The following PLXDC2 variants were observed in gnomAD, a reference collection of about 807,000 sequenced individuals.
The protein encoded by PLXDC2 is plexin domain containing 2.
A neutral mutation model predicts 68.9 loss-of-function variants in PLXDC2; 40 were observed. The ratio of observed to expected loss-of-function variants is 0.58; its 90% CI spans 0.45 to 0.76. PLXDC2 has a LOEUF of 0.76. Among genes scored for constraint, PLXDC2 ranks in the 30% least tolerant of loss-of-function variants. The probability of loss-of-function intolerance (pLI) is 0.00; values close to 1 mark genes in which losing one functional copy is unlikely to be tolerated. For missense variants in PLXDC2, 644 were observed against 661.9 expected, an observed-to-expected ratio of 0.97 and a Z score of 0.30; for synonymous variants, 243 against 234.2, an observed-to-expected ratio of 1.04 and a Z score of -0.34.
intron 1 of PLXDC2, among the ~76,000 whole-genome samples, chr10:19,897,196 T>A (rs963872730): frequency 6.6e-6 from 1 of 152,052 alleles, no homozygotes; most frequent in Non-Finnish European, 1.5e-5. Flanking sequence ...CTTTTCTCCA[T>A]GTCTCCATGT....
chr10:20,072,475 A>AACAAAGAAAG (rs1836340444), intron 4 of PLXDC2, among the ~76,000 whole-genome samples: 1 of 107,246 alleles, frequency 9.3e-6, no homozygotes, highest in African/African-American at 3.4e-5. Context: ...AGAAAGAAAG[A>AACAAAGAAAG]AGGAACAAAG....
intron 4 of PLXDC2, among the ~76,000 whole-genome samples, chr10:20,135,918 G>A (rs1223914077): frequency 3.3e-5 from 5 of 152,084 alleles, no homozygotes; most frequent in African/African-American, 1.2e-4. Context: ...TATAAATATG[G>A]TAACTCTTTG....
chr10:20,163,567 C>T (rs1407284457), intron 6 of PLXDC2, among the ~76,000 whole-genome samples: 1 of 152,080 alleles, frequency 6.6e-6, no homozygotes, highest in East Asian at 1.9e-4. Flanking sequence ...TCTGCTTATT[C>T]TGCCTAAAGA....
chr10:20,252,790 TA>T (rs1271139897), intron 13 of PLXDC2, among the ~76,000 whole-genome samples: 1 of 152,198 alleles, frequency 6.6e-6, no homozygotes, highest in Non-Finnish European at 1.5e-5. Flanking sequence ...CATTCTAAGT[TA>T]GGTGTGGATT....
intron 3 of PLXDC2, among the ~76,000 whole-genome samples, chr10:20,052,436 G>A (rs1463771911): frequency 1.4e-5 from 2 of 147,072 alleles, no homozygotes; most frequent in African/African-American, 5.4e-5. Context: ...TTGTGACCAG[G>A]GGGCTGAGTA....
At chr10:20,015,586 T>G (rs1012370455) in intron 2 of PLXDC2, among the ~76,000 whole-genome samples, 2 of 152,098 alleles carry the variant, frequency 1.3e-5, no homozygotes, top group Non-Finnish European at 2.9e-5. Flanking sequence ...TGGCCAAGAC[T>G]CCATTTGCTC....
At chr10:20,070,393 CAG>C (rs1400635493) in intron 4 of PLXDC2, among the ~76,000 whole-genome samples, 2 of 152,126 alleles carry the variant, frequency 1.3e-5, no homozygotes, top group African/African-American at 4.8e-5. Context: ...GTACCAAATA[CAG>C]AGTCAAGAAA....
intron 9 of PLXDC2, 128 bp from the exon 10 acceptor site, chr10:20,211,541 A>G (rs1835069414): frequency 1.4e-6 from 1 of 728,616 alleles, no homozygotes; most frequent in African/African-American, 1.8e-5. Context: ...GTTCTATAGA[A>G]GAGTTAATGT....
intron 1 of PLXDC2, among the ~76,000 whole-genome samples, chr10:19,947,629 A>G (rs1007089244): frequency 2.0e-5 from 3 of 151,914 alleles, no homozygotes; most frequent in African/African-American, 7.3e-5. Context: ...CATCTTCCCT[A>G]AAAATTCTGT....
At chr10:19,826,881 A>G (rs1472358396) in intron 1 of PLXDC2, among the ~76,000 whole-genome samples, 1 of 152,220 alleles carries the variant, frequency 6.6e-6, no homozygotes, top group East Asian at 1.9e-4. Flanking sequence ...ACTGATGGGT[A>G]TGTTGTGAAA....
rs1835177063 is a variant in PLXDC2 at position 20,219,059 on chromosome 10, T to C, written c.1274-5T>C. On this transcript the variant is annotated splice_region_variant and splice_polypyrimidine_tract_variant and intron_variant, in intron 11 of 13. Coordinates refer to ENST00000377252, the MANE Select transcript of PLXDC2 (RefSeq NM_032812.9). ...TGTTATAGTAACTTTGAATTTCTCTTCCAGATGATACCAAGATAGCACTAC... is the reference window on the plus strand; with the variant it reads ...TGTTATAGTAACTTTGAATTTCTCTCCCAGATGATACCAAGATAGCACTAC... 1 of 1,608,042 alleles carries C rather than the reference T, an allele frequency of 6.2e-7. No homozygotes were observed.
chr10:20,196,481 C>A (rs1233724129), intron 9 of PLXDC2, among the ~76,000 whole-genome samples: 2 of 151,852 alleles, frequency 1.3e-5, no homozygotes, highest in Non-Finnish European at 2.9e-5. Context: ...CAAAAGAGTG[C>A]CTTGTTTACA....
In PLXDC2 at chr10:20,125,575, G is replaced by C. The variant is rs746422417; in HGVS notation, c.542-17720G>C. Reference sequence around the variant, plus strand: ...TCAATAAAGGTGGAAATATCACAGAGGTTTGAGCCTGACCATAGGACTGCA... The same window carrying C: ...TCAATAAAGGTGGAAATATCACAGACGTTTGAGCCTGACCATAGGACTGCA... On this transcript the variant is annotated intron_variant, in intron 4 of 13. Coordinates refer to ENST00000377252, the MANE Select transcript of PLXDC2 (RefSeq NM_032812.9). Among the ~76,000 whole-genome samples the C allele has an allele frequency of 1.8e-4, 27 of 152,122 alleles. 1 individual carries two copies. Among genetic ancestry groups the C allele is most frequent in the Non-Finnish European group, 3.7e-4 (25 of 68,026 alleles).
chr10:20,041,915 A>G (rs907065935), intron 2 of PLXDC2, among the ~76,000 whole-genome samples: 4 of 152,186 alleles, frequency 2.6e-5, no homozygotes, highest in Non-Finnish European at 5.9e-5. Flanking sequence ...CACTAATCCT[A>G]TTGAATAAGG....
intron 1 of PLXDC2, among the ~76,000 whole-genome samples, chr10:19,852,357 T>A (rs558480357): frequency 7.2e-6 from 1 of 138,462 alleles, no homozygotes; most frequent in Non-Finnish European, 1.5e-5. Flanking sequence ...GCCCAGGAGA[T>A]TGAGGCTGCA....
chr10:20,074,912 A>G (rs1347755239), intron 4 of PLXDC2, among the ~76,000 whole-genome samples: 1 of 152,004 alleles, frequency 6.6e-6, no homozygotes, highest in Non-Finnish European at 1.5e-5. Context: ...TAATCTGGAG[A>G]TCTATGTGTT....
intron 4 of PLXDC2, among the ~76,000 whole-genome samples, chr10:20,136,655 G>A (rs1404466180): frequency 6.6e-6 from 1 of 152,210 alleles, no homozygotes; most frequent in African/African-American, 2.4e-5. Flanking sequence ...TGATTAATAT[G>A]TAGAGATAAC....
intron 1 of PLXDC2, among the ~76,000 whole-genome samples, chr10:19,869,171 T>C (rs1389653276): frequency 6.6e-6 from 1 of 151,856 alleles, no homozygotes; most frequent in Non-Finnish European, 1.5e-5. Flanking sequence ...CCAAGGTGGG[T>C]GGATCACTTG....
chr10:20,047,355 T>A (rs953005831), intron 3 of PLXDC2, among the ~76,000 whole-genome samples: 6 of 152,140 alleles, frequency 3.9e-5, no homozygotes, highest in East Asian at 1.9e-4. Context: ...AGAACATTTT[T>A]AAAAATTACT....
Sources: gnomAD v4.1 joint callset for allele counts (sites outside exome capture counted in the v4.1 genomes callset) on GRCh38, gnomAD v4.1.1 for gene constraint, MANE v1.5 for transcripts, NCBI Gene and HGNC (gene_info 2026-07-23, HGNC 2026-07-21) for gene names.